LUZP4: variants seen among roughly 807,000 people sequenced by gnomAD.
LUZP4 encodes the protein leucine zipper protein 4, also known as HOM-TES-85 tumor antigen.
Under a neutral mutation model 8.5 loss-of-function variants are expected in LUZP4, and 11 were observed. That is an observed-to-expected ratio of 1.30 (90% CI 0.82 to 2.14). The LOEUF is 2.14. Ranked by LOEUF, LUZP4 falls within the 30% of genes most tolerant of loss-of-function variation. The pLI, the probability that LUZP4 is intolerant of heterozygous loss-of-function variation, is 0.00. For missense variants in LUZP4, 276 were observed against 229.7 expected (o/e 1.20, Z -1.30); for synonymous variants, 104 against 79.4 (o/e 1.31, Z -1.65).
At chrX:115,304,609 T>C (rs2073411896) in intron 3 of LUZP4, among the ~76,000 whole-genome samples, 1 of 110,707 alleles carries the variant, frequency 9.0e-6, no homozygotes, top group Non-Finnish European at 1.9e-5. Context: ...CCTCCCAGGC[T>C]CAAGCAATCC....
chrX:115,307,124 A>G lies in LUZP4; in HGVS notation c.*320A>G. 1 of 249,586 alleles carries G rather than the reference A, an allele frequency of 4.0e-6. No individual in the cohort carries two copies. Among genetic ancestry groups the G allele is most frequent in the Non-Finnish European group, 7.2e-6 (1 of 138,644 alleles). The allele number at this position is 249,586 out of a possible 1,213,427, so 20.6% of individuals were successfully genotyped here. On this transcript the variant is annotated 3_prime_UTR_variant, in exon 4 of 4. Transcript: ENST00000371920. The stretch of plus-strand genomic sequence containing the variant: ...TGTCCTGTCCCCCTTGGACGTTCCA[A>G]CTTGACTTAGTGTCCAGTGCCCCTT...
intron 1 of LUZP4, 70 bp from the exon 2 acceptor site, chrX:115,301,922 T>C: frequency 4.3e-6 from 3 of 692,514 alleles, no homozygotes; most frequent in Non-Finnish European, 4.2e-6. Flanking sequence ...AGATAAGATA[T>C]AGATTATTCA....
intron 1 of LUZP4, among the ~76,000 whole-genome samples, chrX:115,297,965 C>G (rs1343245721): frequency 9.2e-6 from 1 of 109,285 alleles, no homozygotes; most frequent in East Asian, 2.9e-4. Flanking sequence ...AGGTACATGC[C>G]ACCATGCTCA....
chrX:115,302,007 A>G lies in LUZP4; in HGVS notation c.107A>G (p.Tyr36Cys). ...TCTAATACAGACGACATTATAATCT[A>G]TAAAGAGTTAGAAGGGACAAATGCT... is the stretch of plus-strand genomic sequence containing the variant. ...LDMSLDDIII[Y>C]KELEGTNAEE... is the part of the protein sequence containing the mutation. Residue 36 changes from tyrosine (Y) to cysteine (C), a missense_variant, in exon 2 of 4, where the codon TAT becomes TGT. Tyr to Cys is a radical substitution (Grantham distance 194, BLOSUM62 -2). Coordinates refer to ENST00000371920, the MANE Select transcript of LUZP4 (RefSeq NM_016383.5). 1.7e-6 allele frequency: 2 copies of G among 1,154,293 alleles called. No individual in the cohort carries two copies. Among genetic ancestry groups the G allele is most frequent in the Admixed American group, 2.6e-5 (1 of 38,908 alleles).
intron 1 of LUZP4, among the ~76,000 whole-genome samples, chrX:115,294,605 G>A (rs1556598285): frequency 8.9e-6 from 1 of 111,921 alleles, no homozygotes; most frequent in Non-Finnish European, 1.9e-5. Context: ...AGACATGAAA[G>A]AGATTAAAAA....
chrX:115,307,118 G>A lies in LUZP4; in HGVS notation c.*314G>A, dbSNP rs191938070. On this transcript the variant is annotated 3_prime_UTR_variant, in exon 4 of 4. Transcript: ENST00000371920. ...ACTTAGTGTCCTGTCCCCCTTGGAC[G>A]TTCCAACTTGACTTAGTGTCCAGTG... The A allele has an allele frequency of 2.8e-5, 7 of 250,903 alleles. No homozygotes were observed. The highest frequency in any genetic ancestry group is 1.9e-4 in the African/African-American group (7 of 36,444). The allele number at this position is 250,903 out of a possible 1,213,427, so 20.7% of individuals were successfully genotyped here. A position where few individuals can be genotyped will look rare whatever the true frequency, so the allele number is the denominator to read the frequency against.
chrX:115,297,102 T>C (rs1414697418), intron 1 of LUZP4, among the ~76,000 whole-genome samples: 2 of 111,826 alleles, frequency 1.8e-5, no homozygotes, highest in African/African-American at 6.5e-5. Context: ...TTACAGACAA[T>C]CCAATTACGC....
chrX:115,293,864 T>G (rs1263896688), intron 1 of LUZP4, among the ~76,000 whole-genome samples: 1 of 109,533 alleles, frequency 9.1e-6, no homozygotes, highest in African/African-American at 3.3e-5. Flanking sequence ...GACAGGAGAT[T>G]TGCTTGAACC....
chrX:115,302,046 A>G lies in LUZP4; in HGVS notation c.146A>G (p.Asn49Ser). Reference sequence around the variant, plus strand: ...GGGACAAATGCTGAAGAAGAAAAGAATAAAAGACAGAACCATAGTAAAAAG... The same window carrying G: ...GGGACAAATGCTGAAGAAGAAAAGAGTAAAAGACAGAACCATAGTAAAAAG... ...LEGTNAEEEK[N>S]KRQNHSKKES... The change falls in exon 2 of 4, where the codon AAT (asparagine) becomes AGT (serine). Residue 49 changes from asparagine (N) to serine (S), a missense_variant. Transcript: ENST00000371920. 2 of 1,188,952 alleles carry G rather than the reference A, an allele frequency of 1.7e-6. No homozygotes were observed. The highest frequency in any genetic ancestry group is 2.3e-6 in the Non-Finnish European group (2 of 877,859).
chrX:115,302,125 T>G lies in LUZP4; in HGVS notation c.223+2T>G. The G allele has an allele frequency of 8.5e-7, 1 of 1,170,896 alleles. No individual in the cohort carries two copies. Among genetic ancestry groups the G allele is most frequent in the Admixed American group, 2.7e-5 (1 of 37,018 alleles). Reference sequence around the variant, plus strand: ...CTCATAGACATCGCCATCGGAGAGGTAAAGTATGCTGAAAATAGTCACACG... The same window carrying G: ...CTCATAGACATCGCCATCGGAGAGGGAAAGTATGCTGAAAATAGTCACACG... On this transcript the variant is annotated splice_donor_variant, in intron 2 of 3. Transcript: ENST00000371920. LOFTEE classifies it high-confidence loss of function.
At chrX:115,298,190 C>G (rs1427013165) in intron 1 of LUZP4, among the ~76,000 whole-genome samples, 1 of 111,158 alleles carries the variant, frequency 9.0e-6, no homozygotes, top group Non-Finnish European at 1.9e-5. Context: ...CCTCAGCCTC[C>G]CAAGTAGCTG....
At position 115,306,649 on chromosome X, in the gene LUZP4, CA is replaced by C; in HGVS notation, c.788del (p.Gln263ArgfsTer5). On this transcript the variant is annotated frameshift_variant, in exon 4 of 4. Coordinates refer to ENST00000371920, the MANE Select transcript of LUZP4 (RefSeq NM_016383.5). LOFTEE classifies it low-confidence loss of function (END_TRUNC). ...CACTCAGAAAGATCTCATAGCCACT[CA>C]GAGAGATCTCATAGCCACTCAGAGA... ...IATQKDLIAT[Q>X]RDLIATQRDL... The C allele has an allele frequency of 3.3e-6, 4 of 1,210,736 alleles. No homozygotes were observed. Among genetic ancestry groups the C allele is most frequent in the Non-Finnish European group, 4.5e-6 (4 of 895,319 alleles).
At chrX:115,299,849 G>C (rs1556600734) in intron 1 of LUZP4, among the ~76,000 whole-genome samples, 1 of 111,744 alleles carries the variant, frequency 8.9e-6, no homozygotes, top group African/African-American at 3.3e-5. Flanking sequence ...TCTCAACATA[G>C]TACCTGGGTA....
At position 115,289,799 on chromosome X, in the gene LUZP4, C is replaced by T. The variant is rs10482480; in HGVS notation, c.40C>T (p.Pro14Ser). Residue 14 changes from proline (P) to serine (S), a missense_variant, in exon 1 of 4, where the codon CCG (proline) becomes TCG (serine). Physicochemically the swap from Pro to Ser is moderately conservative, Grantham distance 74. Coordinates refer to ENST00000371920, the MANE Select transcript of LUZP4 (RefSeq NM_016383.5). ...FRKLTLSEKVPPNHPSRKKVN... is the reference protein window; with the variant it reads ...FRKLTLSEKVSPNHPSRKKVN... ...GAAGCTAACGCTTTCTGAAAAAGTG[C>T]CGCCAAATCATCCCAGTCGGAAAAA... 2,434 of 1,207,404 alleles carry T rather than the reference C, an allele frequency of 2.0e-3. 35 individuals are homozygous for T. In the African/African-American group the frequency reaches 0.037, roughly 18 times the overall value.
chrX:115,291,279 T>A (rs782486636), intron 1 of LUZP4, among the ~76,000 whole-genome samples: 16 of 110,743 alleles, frequency 1.4e-4, no homozygotes, highest in Non-Finnish European at 2.8e-4. Context: ...TTTAAATTTT[T>A]GTAGAGATTG....
chrX:115,291,554 G>A (rs2073349088), intron 1 of LUZP4, among the ~76,000 whole-genome samples: 1 of 111,076 alleles, frequency 9.0e-6, no homozygotes, highest in South Asian at 3.8e-4. Flanking sequence ...TTAGAGATGA[G>A]GGTAGGGGAG....
intron 3 of LUZP4, among the ~76,000 whole-genome samples, chrX:115,304,140 T>C (rs1222497913): frequency 4.4e-5 from 5 of 112,637 alleles, no homozygotes; most frequent in Non-Finnish European, 9.4e-5. Flanking sequence ...AGGATTACTT[T>C]AAATTGTTCA....
chrX:115,292,415 G>A (rs1218920063), intron 1 of LUZP4, among the ~76,000 whole-genome samples: 1 of 110,486 alleles, frequency 9.1e-6, no homozygotes, highest in Non-Finnish European at 1.9e-5. Context: ...TCTTAATTTC[G>A]TTTTTGGATA....
intron 1 of LUZP4, among the ~76,000 whole-genome samples, chrX:115,293,966 A>G (rs1407662870): frequency 9.0e-6 from 1 of 111,323 alleles, no homozygotes; most frequent in African/African-American, 3.3e-5. Flanking sequence ...AAAAAAATAA[A>G]AAAAGATTGA....
Sources: gnomAD v4.1 joint callset for allele counts (sites outside exome capture counted in the v4.1 genomes callset) on GRCh38, gnomAD v4.1.1 for gene constraint, MANE v1.5 for transcripts, NCBI Gene and HGNC (gene_info 2026-07-23, HGNC 2026-07-21) for gene names.